Variants in NBAS observed in about 807,000 individuals in gnomAD.
NBAS encodes NAG/BC035112 fusion.
NBAS carries 219 observed loss-of-function variants against 302.5 expected under a neutral mutation model. The observed-to-expected ratio is 0.72, with a 90% CI of 0.65 to 0.81. The LOEUF (loss-of-function observed/expected upper bound fraction) is 0.81. Ranked by LOEUF, NBAS falls within the 30% of genes least tolerant of loss-of-function variation. The probability of loss-of-function intolerance (pLI) is 0.00; values close to 1 mark genes in which losing one functional copy is unlikely to be tolerated. For missense variants in NBAS, 2,932 were observed against 2,841.6 expected (o/e 1.03, Z -0.72); for synonymous variants, 1,118 against 1,021.6 (o/e 1.09, Z -1.80).
At chr2:15,034,276 G>GAA in the NBAS span, among the ~76,000 whole-genome samples, 18,069 of 80,500 alleles carry the variant, frequency 0.22, 2,717 homozygotes, top group Middle Eastern at 0.34. Flanking sequence ...AAGAAAGAAA[G>GAA]AGAGAAAGAA....
In NBAS at chr2:15,449,537, ACT is replaced by A. The variant is rs2148534789; in HGVS notation, c.2339+11662_2339+11663del. 2.6e-5 allele frequency among the ~76,000 whole-genome samples: 4 copies of A among 152,212 alleles called. 1 individual carries two copies. In the South Asian group the frequency reaches 8.3e-4, roughly 32 times the overall value. ...CATACTTCCAAGGCCCAAAAAAACTACTCTGAAATAATACTGACTTACACCTT... is the reference window on the plus strand; with the variant it reads ...CATACTTCCAAGGCCCAAAAAAACTACTGAAATAATACTGACTTACACCTT... On this transcript the variant is annotated intron_variant, in intron 21 of 51. Coordinates refer to ENST00000281513, the MANE Select transcript of NBAS (RefSeq NM_015909.4).
chr2:15,096,028 G>A, the NBAS span, among the ~76,000 whole-genome samples: 1 of 152,190 alleles, frequency 6.6e-6, no homozygotes, highest in Admixed American at 6.5e-5. Context: ...CCTCATGTCT[G>A]GGCTTGAAGC....
At chr2:15,431,527 T>C (rs779270055) in intron 21 of NBAS, among the ~76,000 whole-genome samples, 4 of 152,182 alleles carry the variant, frequency 2.6e-5, no homozygotes, top group Non-Finnish European at 4.4e-5. Context: ...CCCAAAATAG[T>C]ATCTGGCATT....
At chr2:15,079,140 A>C in the NBAS span, among the ~76,000 whole-genome samples, 1 of 152,022 alleles carries the variant, frequency 6.6e-6, no homozygotes, top group Admixed American at 6.6e-5. Context: ...CTGACTATAA[A>C]ACTCTGTAAA....
intron 21 of NBAS, among the ~76,000 whole-genome samples, chr2:15,428,639 T>C (rs1207431444): frequency 6.6e-6 from 1 of 152,008 alleles, no homozygotes; most frequent in Non-Finnish European, 1.5e-5. Context: ...CTCAGAAAGC[T>C]GATGTAGGAG....
chr2:15,479,371 T>C lies in NBAS; in HGVS notation c.1084-1082A>G, dbSNP rs78792920. 8.6e-3 allele frequency among the ~76,000 whole-genome samples: 1,307 copies of C among 152,334 alleles called. 21 individuals carry two copies. Among genetic ancestry groups the C allele is most frequent in the East Asian group, 0.059 (304 of 5,182 alleles). On this transcript the variant is annotated intron_variant, in intron 12 of 51. Transcript: ENST00000281513. ...AAAACAGTCAACTAAACTGAAACTT[T>C]ATTTGGTCATTTTAAAGCACCTGAC...
chr2:15,452,896 TTA>T (rs1679087222), intron 21 of NBAS, among the ~76,000 whole-genome samples: 1 of 152,192 alleles, frequency 6.6e-6, no homozygotes, highest in African/African-American at 2.4e-5. Context: ...CCAACAGTCA[TTA>T]ACCATCATTT....
intron 21 of NBAS, among the ~76,000 whole-genome samples, chr2:15,448,000 C>T (rs977540568): frequency 2.6e-5 from 4 of 152,144 alleles, no homozygotes; most frequent in Admixed American, 1.3e-4. Context: ...GTGAAAGGAA[C>T]AAAATGGCAA....
chr2:15,197,542 G>C (rs1347500577), intron 48 of NBAS, among the ~76,000 whole-genome samples: 2 of 152,108 alleles, frequency 1.3e-5, no homozygotes, highest in Non-Finnish European at 2.9e-5. Context: ...AATTAAGCAA[G>C]ACAAAGCCTG....
intron 45 of NBAS, among the ~76,000 whole-genome samples, chr2:15,236,398 A>T (rs1244461779): frequency 2.0e-5 from 3 of 151,346 alleles, no homozygotes; most frequent in Non-Finnish European, 4.4e-5. Flanking sequence ...AAATACAAAA[A>T]ATTAGTTGGG....
intron 10 of NBAS, among the ~76,000 whole-genome samples, chr2:15,510,293 T>C (rs970660611): frequency 1.3e-5 from 2 of 152,216 alleles, no homozygotes; most frequent in Non-Finnish European, 2.9e-5. Context: ...CCCAGCCCCT[T>C]TGAAGCTAGG....
the NBAS span, among the ~76,000 whole-genome samples, chr2:15,129,008 CTGGGCGGGCCCTGAGTGCCCA>C: frequency 3.3e-5 from 5 of 152,132 alleles, no homozygotes; most frequent in African/African-American, 7.2e-5. Flanking sequence ...GAGCAGGGGG[CTGGGCGGGCCCTGAGTGCCCA>C]TGGGCGGGCC....
chr2:15,346,873 C>G (rs1673116271), intron 35 of NBAS, among the ~76,000 whole-genome samples: 1 of 152,118 alleles, frequency 6.6e-6, no homozygotes, highest in South Asian at 2.1e-4. Flanking sequence ...AAGCTAGAAG[C>G]CATTATCCTC....
At chr2:14,884,281 C>T in the NBAS span, among the ~76,000 whole-genome samples, 8 of 152,100 alleles carry the variant, frequency 5.3e-5, no homozygotes, top group South Asian at 2.1e-4. Context: ...TCAAGGACTC[C>T]AGAAACCGGC....
At chr2:14,857,367 C>T in the NBAS span, among the ~76,000 whole-genome samples, 7 of 151,966 alleles carry the variant, frequency 4.6e-5, no homozygotes, top group Non-Finnish European at 1.0e-4. Context: ...AGAGCCAAAG[C>T]TGTCATAAGC....
chr2:14,912,716 A>ATTT, the NBAS span, among the ~76,000 whole-genome samples: 49 of 74,596 alleles, frequency 6.6e-4, 1 homozygote, highest in African/African-American at 2.7e-3. Context: ...AAAAAAAAAA[A>ATTT]AAAAAAAAAA....
intron 44 of NBAS, among the ~76,000 whole-genome samples, chr2:15,259,956 C>G (rs200863626): frequency 3.3e-5 from 4 of 122,322 alleles, no homozygotes; most frequent in African/African-American, 1.4e-4. Context: ...ATCTGGCTTT[C>G]TCTTTGACAA....
At chr2:14,871,418 T>C in the NBAS span, among the ~76,000 whole-genome samples, 1 of 151,998 alleles carries the variant, frequency 6.6e-6, no homozygotes, top group African/African-American at 2.4e-5. Context: ...CAGCAAATCA[T>C]ACAATAAAAA....
chr2:15,279,557 A>AT (rs1281143350), intron 42 of NBAS, among the ~76,000 whole-genome samples: 1 of 152,234 alleles, frequency 6.6e-6, no homozygotes, highest in Non-Finnish European at 1.5e-5. Flanking sequence ...TGACTATATC[A>AT]TAACAGCTTT....
Sources: gnomAD v4.1 joint callset for allele counts (sites outside exome capture counted in the v4.1 genomes callset) on GRCh38, gnomAD v4.1.1 for gene constraint, MANE v1.5 for transcripts, NCBI Gene and HGNC (gene_info 2026-07-23, HGNC 2026-07-21) for gene names.